Variants in SECISBP2 observed in about 807,000 individuals in gnomAD.
SECISBP2 encodes selenocysteine insertion sequence-binding protein 2.
In SECISBP2, 96 loss-of-function variants were observed where a neutral mutation model predicts 98.2. The observed-to-expected ratio is 0.98, with a 90% CI of 0.83 to 1.16. The LOEUF is 1.16. SECISBP2 is among the 50% of genes most tolerant of loss of function. The probability of loss-of-function intolerance (pLI) is 0.00; values close to 1 mark genes in which losing one functional copy is unlikely to be tolerated. For synonymous variants in SECISBP2, 407 were observed against 370.2 expected (o/e 1.10, Z -1.14); for missense variants, 1,046 against 1,022.9 (o/e 1.02, Z -0.31).
rs370144350 is a variant in SECISBP2, at chr9:89,339,962, T to C, written c.1302+9T>C. The C allele has an allele frequency of 2.9e-5, 46 of 1,595,894 alleles. No individual in the cohort carries two copies. Among genetic ancestry groups the C allele is most frequent in the Non-Finnish European group, 4.0e-5 (46 of 1,163,932 alleles). On this transcript the variant is annotated intron_variant, in intron 9 of 16. Transcript: ENST00000375807. ...CTAAGCAGCAGCCACAGGTAATTTT[T>C]AGATTGAAACCACAAATTGCTTTAG...
rs111846615 is a variant in SECISBP2 at position 89,336,590 on chromosome 9, C to T, written c.1089+1860C>T. Among the ~76,000 whole-genome samples the T allele has an allele frequency of 7.0e-3, 1,059 of 151,788 alleles. 16 individuals carry two copies. Among genetic ancestry groups the T allele is most frequent in the African/African-American group, 0.024 (997 of 41,370 alleles). ...TGGTGACAATTACTGTGAAGGTAGA[C>T]GTGTGCTTGTTCCTCATTGCTCTGT... On this transcript the variant is annotated intron_variant, in intron 7 of 16. Coordinates refer to ENST00000375807, the MANE Select transcript of SECISBP2 (RefSeq NM_024077.5).
chr9:89,352,732 A>G (rs2132022650), intron 14 of SECISBP2, among the ~76,000 whole-genome samples: 1 of 150,616 alleles, frequency 6.6e-6, no homozygotes, highest in East Asian at 2.0e-4. Flanking sequence ...TTTTGGTTTC[A>G]TTTTCTGTTA....
chr9:89,357,657 C>T, intron 15 of SECISBP2, 92 bp downstream of exon 15: 1 of 1,476,246 alleles, frequency 6.8e-7, no homozygotes, highest in Non-Finnish European at 9.5e-7. Context: ...AGAGCAGCCC[C>T]AGAACCTCCA....
intron 16 of SECISBP2, 128 bp from the exon 17 acceptor site, chr9:89,358,593 G>T (rs1832459247): frequency 5.5e-6 from 4 of 729,344 alleles, no homozygotes; most frequent in Non-Finnish European, 9.9e-6. Context: ...GTCTGCCAGG[G>T]CACCTCTGAG....
At chr9:89,336,766 C>CTTTTTTTTTTTTTT in intron 7 of SECISBP2, among the ~76,000 whole-genome samples, 1 of 75,202 alleles carries the variant, frequency 1.3e-5, no homozygotes, top group African/African-American at 5.9e-5. Flanking sequence ...CTGTCTAATT[C>CTTTTTTTTTTTTTT]TTTTTTTTTT....
Position 89,322,091 on chromosome 9 carries a change from C to T in SECISBP2, c.182+2294C>T, listed in dbSNP as rs1825913858. On this transcript the variant is annotated intron_variant, in intron 2 of 16. Coordinates refer to ENST00000375807, the MANE Select transcript of SECISBP2 (RefSeq NM_024077.5). Reference sequence around the variant, plus strand: ...ATTTGTCCTCCTCCAGTACCTTTCACAGTGCACTCAAAGATGCTCATTTAT... The same window carrying T: ...ATTTGTCCTCCTCCAGTACCTTTCATAGTGCACTCAAAGATGCTCATTTAT... 2.6e-5 allele frequency: 4 copies of T among 152,350 alleles called. No individual in the cohort carries two copies. The South Asian group carries it at 6.2e-4, about 24-fold the overall frequency. The allele number at this position is 152,350 out of a possible 1,614,324, so 9.4% of individuals were successfully genotyped here. A position where few individuals can be genotyped will look rare whatever the true frequency, so the allele number is the denominator to read the frequency against.
chr9:89,352,636 T>A (rs979040661), intron 14 of SECISBP2, among the ~76,000 whole-genome samples: 6 of 152,214 alleles, frequency 3.9e-5, no homozygotes, highest in Admixed American at 6.5e-5. Context: ...CTCCAGTCCC[T>A]GCCAGCTCTT....
At chr9:89,318,937 G>C (rs1441430399) in intron 1 of SECISBP2, 2 of 1,190,572 alleles carry the variant, frequency 1.7e-6, no homozygotes, top group Non-Finnish European at 2.1e-6. Flanking sequence ...TCTTGGGAAC[G>C]GATAGATTGT....
chr9:89,359,022 G>A lies in SECISBP2; in HGVS notation c.*198G>A, dbSNP rs372273403. On this transcript the variant is annotated 3_prime_UTR_variant, in exon 17 of 17. Transcript: ENST00000375807. ...AGCCTGTTAAAGGTCACTCAGATGT[G>A]CAGGTGTTAATCTTCTCTAAAAGCC... The A allele has an allele frequency of 6.8e-6, 4 of 592,168 alleles. No individual in the cohort carries two copies. In the East Asian group the frequency reaches 1.2e-4, roughly 17 times the overall value. The allele number at this position is 592,168 out of a possible 1,614,324, so 36.7% of individuals were successfully genotyped here.
Position 89,358,037 on chromosome 9 carries a change from C to A in SECISBP2, c.2307C>A (p.Ala769=). ...FHKMVELTVA[A]RQAYKTMLEN... is the part of the protein sequence containing the mutation. ...AGATGGTTGAGCTGACAGTGGCGGC[C>A]CGACAGGCGTACAAGACCATGCTGG... Residue 769 remains alanine, a synonymous_variant, in exon 16 of 17, where the codon GCC becomes GCA. Transcript: ENST00000375807. 1 of 1,613,530 alleles carries A rather than the reference C, an allele frequency of 6.2e-7. No homozygotes were observed. Among genetic ancestry groups the A allele is most frequent in the Non-Finnish European group, 8.5e-7 (1 of 1,180,010 alleles).
chr9:89,359,862 A>T (rs978482005), downstream of SECISBP2, among the ~76,000 whole-genome samples: 1 of 152,218 alleles, frequency 6.6e-6, no homozygotes, highest in African/African-American at 2.4e-5. Context: ...TCCTGGCTCA[A>T]TCCCAACCTG....
intron 4 of SECISBP2, among the ~76,000 whole-genome samples, 173 bp from the exon 5 acceptor site, chr9:89,328,487 A>C (rs1367869694): frequency 6.6e-6 from 1 of 152,228 alleles, no homozygotes; most frequent in East Asian, 1.9e-4. Context: ...ATGGTCATTT[A>C]AACTTTATAC....
downstream of SECISBP2, chr9:89,363,573 A>G (rs1385794564): frequency 1.9e-6 from 3 of 1,610,850 alleles, no homozygotes; most frequent in African/African-American, 4.0e-5. Flanking sequence ...GTGGGCCTTT[A>G]TGGCACCCTT....
chr9:89,347,671 G>T, intron 11 of SECISBP2, among the ~76,000 whole-genome samples: 1 of 152,006 alleles, frequency 6.6e-6, no homozygotes, highest in East Asian at 1.9e-4. Flanking sequence ...TAGAGACGAG[G>T]TCTCATCACC....
chr9:89,357,491 A>G lies in SECISBP2; in HGVS notation c.2194A>G (p.Lys732Glu). 2 of 1,614,212 alleles carry G rather than the reference A, an allele frequency of 1.2e-6. No homozygotes were observed. Among genetic ancestry groups the G allele is most frequent in the Non-Finnish European group, 1.7e-6 (2 of 1,180,052 alleles). Residue 732 changes from lysine (K) to glutamate (E), a missense_variant, in exon 15 of 17, where the codon AAA (lysine) becomes GAA (glutamate). Physicochemically the swap from Lys to Glu is moderately conservative, Grantham distance 56. Coordinates refer to ENST00000375807, the MANE Select transcript of SECISBP2 (RefSeq NM_024077.5). Reference protein sequence around the residue: ...NIPFVFALNRKALGRSLNKAV... With the variant: ...NIPFVFALNREALGRSLNKAV... ...TCCCTTTGTGTTTGCTCTCAACCGC[A>G]AAGCTCTGGGGCGCAGTTTGAATAA... is the stretch of plus-strand genomic sequence containing the variant.
chr9:89,349,830 A>G lies in SECISBP2; in HGVS notation c.1793A>G (p.Glu598Gly), dbSNP rs761992823. The G allele has an allele frequency of 6.2e-7, 1 of 1,614,204 alleles. No homozygotes were observed. The highest frequency in any genetic ancestry group is 1.7e-5 in the Admixed American group (1 of 60,030). The change falls in exon 13 of 17, where the codon GAA (glutamate) becomes GGA (glycine). Residue 598 changes from glutamate (E) to glycine (G), a missense_variant. Glu to Gly is a moderately conservative substitution (Grantham distance 98). Coordinates refer to ENST00000375807, the MANE Select transcript of SECISBP2 (RefSeq NM_024077.5). ...ISTPSVEDKSEEPPGTELQRD... is the reference protein window; with the variant it reads ...ISTPSVEDKSGEPPGTELQRD... ...ACTCCTTCGGTTGAGGACAAGTCTGAAGAGCCACCAGGCACAGAGCTCCAG... is the reference window on the plus strand; with the variant it reads ...ACTCCTTCGGTTGAGGACAAGTCTGGAGAGCCACCAGGCACAGAGCTCCAG...
At position 89,318,519 on chromosome 9, in the gene SECISBP2, G is replaced by A. The variant is rs956704084; in HGVS notation, c.-58G>A. On this transcript the variant is annotated 5_prime_UTR_variant, in exon 1 of 17. Coordinates refer to ENST00000375807, the MANE Select transcript of SECISBP2 (RefSeq NM_024077.5). ...GGGGGCGGAAACGCTTTGTCTGTCCGGCAAGCCGACGGCCCGCTGCTGGCC... is the reference window on the plus strand; with the variant it reads ...GGGGGCGGAAACGCTTTGTCTGTCCAGCAAGCCGACGGCCCGCTGCTGGCC... 2.0e-6 allele frequency: 3 copies of A among 1,506,278 alleles called. No individual in the cohort carries two copies. Among genetic ancestry groups the A allele is most frequent in the Non-Finnish European group, 2.7e-6 (3 of 1,129,114 alleles). The allele number at this position is 1,506,278 out of a possible 1,614,324, so 93.3% of individuals were successfully genotyped here. A position where few individuals can be genotyped will look rare whatever the true frequency, so the allele number is the denominator to read the frequency against.
At chr9:89,333,948 TG>T (rs1202088132) in intron 6 of SECISBP2, 2 of 881,526 alleles carry the variant, frequency 2.3e-6, no homozygotes, top group Admixed American at 5.3e-5. Context: ...GTTTTACCCT[TG>T]GGGGTAGCCA....
intron 10 of SECISBP2, among the ~76,000 whole-genome samples, chr9:89,345,301 G>A (rs941142394): frequency 2.0e-5 from 3 of 152,112 alleles, no homozygotes; most frequent in Admixed American, 2.0e-4. Flanking sequence ...AAATGACCAC[G>A]CTTTGAATGA....
Sources: gnomAD v4.1 joint callset for allele counts (sites outside exome capture counted in the v4.1 genomes callset) on GRCh38, gnomAD v4.1.1 for gene constraint, MANE v1.5 for transcripts, NCBI Gene and HGNC (gene_info 2026-07-23, HGNC 2026-07-21) for gene names.